The following APPL1 variants were observed in gnomAD, a reference collection of about 807,000 sequenced individuals.
The protein encoded by APPL1 is adaptor protein, phosphotyrosine interacting with PH domain and leucine zipper 1.
In APPL1, 42 loss-of-function variants were observed where a neutral mutation model predicts 106.8. The observed-to-expected ratio is 0.39, with a 90% CI of 0.31 to 0.51. The LOEUF (loss-of-function observed/expected upper bound fraction) is 0.51. APPL1 is among the 20% of genes least tolerant of loss of function. The probability of loss-of-function intolerance (pLI) is 0.75; values close to 1 mark genes in which losing one functional copy is unlikely to be tolerated. For synonymous variants in APPL1, 263 were observed against 281.8 expected, an observed-to-expected ratio of 0.93 and a Z score of 0.67; for missense variants, 769 against 858.2, an observed-to-expected ratio of 0.90 and a Z score of 1.30.
intron 7 of APPL1, 37 bp downstream of exon 7, chr3:57,242,951 A>C (rs1044228123): frequency 6.7e-7 from 1 of 1,495,378 alleles, no homozygotes; most frequent in Non-Finnish European, 9.3e-7. Context: ...GTCATAATTA[A>C]CTATTCATTA....
At chr3:57,266,819 A>G (rs925585791) in intron 19 of APPL1, among the ~76,000 whole-genome samples, 5 of 152,160 alleles carry the variant, frequency 3.3e-5, no homozygotes, top group East Asian at 1.9e-4. Flanking sequence ...TGGCTCTCCA[A>G]TCTTGCCAGA....
At chr3:57,237,784 T>G (rs566658158) in intron 3 of APPL1, among the ~76,000 whole-genome samples, 1 of 152,198 alleles carries the variant, frequency 6.6e-6, no homozygotes, top group Non-Finnish European at 1.5e-5. Context: ...AACATTACAG[T>G]GTTATTGGAG....
intron 2 of APPL1, 97 bp from the exon 3 acceptor site, chr3:57,237,395 A>G: frequency 2.3e-6 from 2 of 851,164 alleles, no homozygotes; most frequent in Non-Finnish European, 3.7e-6. Context: ...CATGTACAAT[A>G]TTTATGTTAA....
rs1040534951 is a variant in APPL1 at position 57,247,231 on chromosome 3, C to T, written c.622-164C>T. Among the ~76,000 whole-genome samples, 12 of 152,144 alleles carry T rather than the reference C, an allele frequency of 7.9e-5. No homozygotes were observed. In the East Asian group the frequency reaches 2.1e-3, roughly 27 times the overall value. On this transcript the variant is annotated intron_variant, in intron 8 of 21. Coordinates refer to ENST00000288266, the MANE Select transcript of APPL1 (RefSeq NM_012096.3). ...TAAGTCTAACTTCCTTAATGGCTCCCTGTGCAGTAGAAGTCACAAACTACA... is the reference window on the plus strand; with the variant it reads ...TAAGTCTAACTTCCTTAATGGCTCCTTGTGCAGTAGAAGTCACAAACTACA...
At chr3:57,243,167 ATAACATTGCC>A (rs1206356713) in intron 7 of APPL1, among the ~76,000 whole-genome samples, 1 of 152,234 alleles carries the variant, frequency 6.6e-6, no homozygotes, top group Non-Finnish European at 1.5e-5. Context: ...TGCCCAGTAT[ATAACATTGCC>A]TTTTGTTGCT....
intron 19 of APPL1, among the ~76,000 whole-genome samples, chr3:57,265,445 C>T (rs1490561201): frequency 6.6e-6 from 1 of 152,180 alleles, no homozygotes; most frequent in Non-Finnish European, 1.5e-5. Flanking sequence ...CCACTGCGCC[C>T]AGCCTGTAGT....
intron 10 of APPL1, 142 bp from the exon 11 acceptor site, chr3:57,249,218 A>T (rs1579390958): frequency 2.7e-6 from 2 of 731,330 alleles, no homozygotes; most frequent in Non-Finnish European, 4.4e-6. Context: ...TAGAGACTGA[A>T]AGCATATTTA....
At chr3:57,268,041 C>T (rs1024983755) in intron 20 of APPL1, 19 of 527,888 alleles carry the variant, frequency 3.6e-5, no homozygotes, top group Middle Eastern at 1.0e-3. Flanking sequence ...TGCAATGAGC[C>T]GAGATCACAC....
chr3:57,236,575 G>A (rs548046634), intron 2 of APPL1, among the ~76,000 whole-genome samples: 163 of 152,256 alleles, frequency 1.1e-3, no homozygotes, highest in Non-Finnish European at 1.9e-3. Flanking sequence ...TGATCTGCCC[G>A]CCTCGGCCTC....
chr3:57,253,035 C>T (rs1277244326), intron 12 of APPL1, among the ~76,000 whole-genome samples: 1 of 152,134 alleles, frequency 6.6e-6, no homozygotes, highest in Non-Finnish European at 1.5e-5. Flanking sequence ...CTCTGAGGAA[C>T]ACAGACAAAT....
At chr3:57,242,214 A>T in intron 6 of APPL1, 72 bp downstream of exon 6, 1 of 1,153,406 alleles carries the variant, frequency 8.7e-7, no homozygotes, top group Non-Finnish European at 1.2e-6. Context: ...CTGTGGCCAG[A>T]TTCTTTGTAA....
rs1340328802 is a variant in APPL1 at position 57,248,330 on chromosome 3, C to G, written c.842C>G (p.Ala281Gly). Reference sequence around the variant, plus strand: ...GTTAATCGAAATTTAACCCGAAAGGCTGGATACCTTAATGCTAGGAAGTAA... The same window carrying G: ...GTTAATCGAAATTTAACCCGAAAGGGTGGATACCTTAATGCTAGGAAGTAA... The part of the protein sequence containing the change: ...FPVNRNLTRK[A>G]GYLNARNKTG... The change falls in exon 10 of 22, where the codon GCT (alanine) becomes GGT (glycine). Residue 281 changes from alanine to glycine, a missense_variant. Transcript: ENST00000288266. 1 of 1,614,092 alleles carries G rather than the reference C, an allele frequency of 6.2e-7. No individual in the cohort carries two copies. The highest frequency in any genetic ancestry group is 8.5e-7 in the Non-Finnish European group (1 of 1,180,004).
chr3:57,240,805 T>A (rs963309273), intron 5 of APPL1, among the ~76,000 whole-genome samples: 1 of 149,950 alleles, frequency 6.7e-6, no homozygotes, highest in Non-Finnish European at 1.5e-5. Context: ...ACAACACTTA[T>A]GTCTCTTATA....
At chr3:57,238,329 T>C in intron 4 of APPL1, 1 of 462,812 alleles carries the variant, frequency 2.2e-6, no homozygotes, top group Non-Finnish European at 3.8e-6. Flanking sequence ...GCTTCTTCTA[T>C]ACGCAGTCCG....
chr3:57,236,489 C>T (rs1052154879), intron 2 of APPL1, among the ~76,000 whole-genome samples: 26 of 145,222 alleles, frequency 1.8e-4, no homozygotes, highest in African/African-American at 5.1e-4. Context: ...CTACTACGCC[C>T]AGATAATTTT....
chr3:57,245,363 C>G (rs897765171), intron 7 of APPL1, among the ~76,000 whole-genome samples: 10 of 152,064 alleles, frequency 6.6e-5, no homozygotes, highest in Non-Finnish European at 1.5e-4. Flanking sequence ...GAGAGGAAGA[C>G]TGATAGGGAG....
intron 7 of APPL1, 46 bp from the exon 8 acceptor site, chr3:57,246,029 AT>A: frequency 7.1e-7 from 1 of 1,409,244 alleles, no homozygotes; most frequent in South Asian, 1.5e-5. Context: ...AATTAAGTAA[AT>A]AATAGCAGAT....
chr3:57,271,965 T>C lies in APPL1; in HGVS notation c.*2278T>C, dbSNP rs1241813031. 1.3e-5 allele frequency: 2 copies of C among 152,240 alleles called. No homozygotes were observed. Among genetic ancestry groups the C allele is most frequent in the Non-Finnish European group, 2.9e-5 (2 of 68,044 alleles). The allele number at this position is 152,240 out of a possible 1,614,324, so 9.4% of individuals were successfully genotyped here. Reference sequence around the variant, plus strand: ...TATCTGTTTTAATAAGCTCTTTTTGTTATTTAAAGGCTGCCCATGGGTTTC... The same window carrying C: ...TATCTGTTTTAATAAGCTCTTTTTGCTATTTAAAGGCTGCCCATGGGTTTC... On this transcript the variant is annotated 3_prime_UTR_variant, in exon 22 of 22. Coordinates refer to ENST00000288266, the MANE Select transcript of APPL1 (RefSeq NM_012096.3).
intron 13 of APPL1, 91 bp downstream of exon 13, chr3:57,253,829 C>A: frequency 1.4e-4 from 118 of 858,342 alleles, no homozygotes; most frequent in Non-Finnish European, 1.6e-4. Context: ...TTCTCAGGTT[C>A]TGTAATTTTT....
Sources: gnomAD v4.1 joint callset for allele counts (sites outside exome capture counted in the v4.1 genomes callset) on GRCh38, gnomAD v4.1.1 for gene constraint, MANE v1.5 for transcripts, NCBI Gene and HGNC (gene_info 2026-07-23, HGNC 2026-07-21) for gene names.